Variants in ABCA13 observed in about 807,000 individuals in gnomAD.
The protein encoded by ABCA13 is ATP binding cassette subfamily A member 13, also known as ATP-binding cassette sub-family A member 13.
ABCA13 carries 476 observed loss-of-function variants against 478.7 expected under a neutral mutation model. The ratio of observed to expected loss-of-function variants is 0.99; its 90% confidence interval spans 0.92 to 1.07. ABCA13 has a LOEUF of 1.07. ABCA13 is among the 50% of genes least tolerant of loss of function. The pLI is 0.00. For synonymous variants in ABCA13, 2,252 were observed against 2,158.9 expected (o/e 1.04, Z -1.20); for missense variants, 6,060 against 5,910.6 (o/e 1.03, Z -0.83).
intron 55 of ABCA13, among the ~76,000 whole-genome samples, chr7:48,554,957 G>T (rs753063554): frequency 8.6e-5 from 13 of 151,592 alleles, no homozygotes; most frequent in Non-Finnish European, 1.9e-4. Context: ...CCCTCATTCA[G>T]TGTGATACTA....
chr7:48,456,776 C>G (rs2129797199), intron 43 of ABCA13, among the ~76,000 whole-genome samples: 1 of 151,298 alleles, frequency 6.6e-6, no homozygotes, highest in South Asian at 2.1e-4. Flanking sequence ...TAGACAGTCT[C>G]TTTTTGGGGG....
intron 12 of ABCA13, 36 bp downstream of exon 12, chr7:48,245,648 T>A (rs775200363): frequency 1.9e-6 from 3 of 1,577,600 alleles, no homozygotes; most frequent in African/African-American, 2.7e-5. Context: ...TAAGCATTTT[T>A]AATAAAACAT....
intron 29 of ABCA13, among the ~76,000 whole-genome samples, chr7:48,341,902 G>GATATATATATACTCATATATATATACTC (rs549169856): frequency 1.4e-5 from 1 of 70,172 alleles, no homozygotes; most frequent in East Asian, 4.9e-4. Flanking sequence ...ATATCTTTCT[G>GATATATATATACTCATATATATATACTC]ATATATATAT....
intron 27 of ABCA13, among the ~76,000 whole-genome samples, chr7:48,332,358 A>G (rs1004350449): frequency 6.6e-6 from 1 of 152,262 alleles, no homozygotes; most frequent in Admixed American, 6.5e-5. Context: ...TCTAGATATT[A>G]CAATACAGAC....
chr7:48,358,774 C>T (rs1398519739), intron 31 of ABCA13, among the ~76,000 whole-genome samples: 1 of 151,980 alleles, frequency 6.6e-6, no homozygotes, highest in Non-Finnish European at 1.5e-5. Flanking sequence ...CACTGGGTTG[C>T]TCACAATTGA....
chr7:48,597,727 T>C (rs1258962345), intron 58 of ABCA13, among the ~76,000 whole-genome samples: 1 of 152,240 alleles, frequency 6.6e-6, no homozygotes, highest in Non-Finnish European at 1.5e-5. Context: ...TTATTTGTAT[T>C]ACTTCTTTAG....
intron 56 of ABCA13, among the ~76,000 whole-genome samples, chr7:48,583,629 A>G (rs1788910556): frequency 6.6e-6 from 1 of 152,202 alleles, no homozygotes; most frequent in Non-Finnish European, 1.5e-5. Context: ...TCCCAAAACA[A>G]ATGCATCCCA....
intron 58 of ABCA13, among the ~76,000 whole-genome samples, chr7:48,608,772 AGTTT>A (rs1171418512): frequency 2.0e-5 from 3 of 152,190 alleles, no homozygotes; most frequent in Non-Finnish European, 2.9e-5. Flanking sequence ...TCTTATCCTA[AGTTT>A]AGCAATTTGT....
chr7:48,580,428 G>T, intron 56 of ABCA13, 54 bp downstream of exon 56: 1 of 1,559,664 alleles, frequency 6.4e-7, no homozygotes, highest in South Asian at 1.2e-5. Context: ...AATGCTTGGT[G>T]ACCACCTCTG....
chr7:48,212,441 G>C (rs1785806296), intron 3 of ABCA13, among the ~76,000 whole-genome samples: 1 of 152,058 alleles, frequency 6.6e-6, no homozygotes, highest in Non-Finnish European at 1.5e-5. Flanking sequence ...ATTTTTCTTG[G>C]GTTAATACCT....
chr7:48,181,437 T>A (rs563476625), intron 1 of ABCA13, among the ~76,000 whole-genome samples: 3 of 152,192 alleles, frequency 2.0e-5, no homozygotes, highest in Non-Finnish European at 4.4e-5. Flanking sequence ...TCAAAACTAC[T>A]GAAATTATAC....
intron 41 of ABCA13, among the ~76,000 whole-genome samples, chr7:48,416,426 G>A (rs1214094658): frequency 1.3e-5 from 2 of 152,102 alleles, no homozygotes; most frequent in Non-Finnish European, 2.9e-5. Flanking sequence ...ACGGGGAGTG[G>A]TTTGCATTCT....
intron 55 of ABCA13, among the ~76,000 whole-genome samples, chr7:48,532,091 A>G (rs992969745): frequency 2.0e-5 from 3 of 152,114 alleles, no homozygotes; most frequent in African/African-American, 7.2e-5. Flanking sequence ...CTCAGGGGGA[A>G]TGCTTTCAGC....
intron 20 of ABCA13, among the ~76,000 whole-genome samples, chr7:48,293,194 C>CCCCCCA (rs1798800988): frequency 1.6e-5 from 2 of 128,326 alleles, no homozygotes; most frequent in Non-Finnish European, 1.8e-5. Context: ...AGTCTTCAGC[C>CCCCCCA]CCCCCCCCGC....
chr7:48,218,230 G>A (rs79282768), intron 3 of ABCA13, among the ~76,000 whole-genome samples: 5 of 152,116 alleles, frequency 3.3e-5, no homozygotes, highest in Admixed American at 2.6e-4. Context: ...TATGGTTTCC[G>A]AGGCGAATCT....
chr7:48,427,030 C>T (rs934386015), intron 41 of ABCA13, among the ~76,000 whole-genome samples: 3 of 152,150 alleles, frequency 2.0e-5, no homozygotes, highest in Admixed American at 6.5e-5. Flanking sequence ...GTATGCTTCT[C>T]GTGAATTGCC....
chr7:48,592,698 A>G (rs965345835), intron 57 of ABCA13, among the ~76,000 whole-genome samples: 1 of 151,832 alleles, frequency 6.6e-6, no homozygotes, highest in Non-Finnish European at 1.5e-5. Flanking sequence ...TTATTATTGT[A>G]CTTATGTCTT....
intron 15 of ABCA13, among the ~76,000 whole-genome samples, chr7:48,264,754 C>T (rs1028679793): frequency 2.6e-5 from 4 of 151,622 alleles, no homozygotes; most frequent in African/African-American, 4.8e-5. Flanking sequence ...ACAAAGTAAT[C>T]CAGGAGAAAC....
At chr7:48,408,411 C>T (rs184866080) in intron 39 of ABCA13, among the ~76,000 whole-genome samples, 3 of 152,320 alleles carry the variant, frequency 2.0e-5, no homozygotes, top group Admixed American at 6.5e-5. Flanking sequence ...AATCCTAGAT[C>T]AGGGATTAAG....
Sources: gnomAD v4.1 joint callset for allele counts (sites outside exome capture counted in the v4.1 genomes callset) on GRCh38, gnomAD v4.1.1 for gene constraint, MANE v1.5 for transcripts, NCBI Gene and HGNC (gene_info 2026-07-23, HGNC 2026-07-21) for gene names.